The following MBD5 variants were observed in gnomAD, a reference collection of about 807,000 sequenced individuals.
The protein encoded by MBD5 is methyl-CpG-binding domain protein 5.
Under a neutral mutation model 117.3 loss-of-function variants are expected in MBD5, and 13 were observed. The ratio of observed to expected loss-of-function variants is 0.11; its 90% CI spans 0.07 to 0.18. MBD5 has a LOEUF of 0.18. Ranked by LOEUF, MBD5 falls within the 10% of genes least tolerant of loss-of-function variation. MBD5 has a pLI of 1.00. For missense variants in MBD5, 1,879 were observed against 2,093.8 expected, an observed-to-expected ratio of 0.90 and a Z score of 2.00; for synonymous variants, 727 against 766.4, an observed-to-expected ratio of 0.95 and a Z score of 0.85.
intron 4 of MBD5, among the ~76,000 whole-genome samples, chr2:148,379,703 G>T (rs1704081455): frequency 6.6e-6 from 1 of 151,702 alleles, no homozygotes; most frequent in Non-Finnish European, 1.5e-5. Context: ...TTGATAAAAA[G>T]GACAAAAATA....
rs1471749488 is a variant in MBD5 at position 148,469,929 on chromosome 2, A to T, written c.1986A>T (p.Pro662=). Residue 662 remains proline, a synonymous_variant, in exon 8 of 14, where the codon CCA becomes CCT. Coordinates refer to ENST00000642680, the MANE Select transcript of MBD5 (RefSeq NM_001378120.1). ...ACGCATTGCGGAAAAGAAAACAACCACCTACGACAGTGTTGAGTTTGCTCA... is the reference window on the plus strand; with the variant it reads ...ACGCATTGCGGAAAAGAAAACAACCTCCTACGACAGTGTTGAGTTTGCTCA... ...QKDALRKRKQ[P]PTTVLSLLRQ... The T allele has an allele frequency of 6.2e-7, 1 of 1,613,730 alleles. No homozygotes were observed. Among genetic ancestry groups the T allele is most frequent in the Non-Finnish European group, 8.5e-7 (1 of 1,179,882 alleles).
At chr2:148,149,340 T>G (rs1391469431) in intron 1 of MBD5, among the ~76,000 whole-genome samples, 1 of 136,172 alleles carries the variant, frequency 7.3e-6, no homozygotes, top group African/African-American at 2.8e-5. Flanking sequence ...AGTCTATCAT[T>G]GTTGGACATT....
intron 1 of MBD5, among the ~76,000 whole-genome samples, chr2:148,146,328 G>A (rs1697462739): frequency 6.6e-6 from 1 of 151,964 alleles, no homozygotes; most frequent in Middle Eastern, 3.2e-3. Flanking sequence ...TTATGATCAT[G>A]GCTCACTGCA....
intron 1 of MBD5, among the ~76,000 whole-genome samples, chr2:148,033,118 C>G (rs548292807): frequency 6.6e-6 from 1 of 152,104 alleles, no homozygotes; most frequent in Admixed American, 6.6e-5. Context: ...TAATGTCGAG[C>G]AAACCAAGGT....
intron 3 of MBD5, among the ~76,000 whole-genome samples, chr2:148,341,386 GC>G (rs1702943245): frequency 6.6e-6 from 1 of 151,568 alleles, no homozygotes; most frequent in Non-Finnish European, 1.5e-5. Context: ...TTAGAATTAG[GC>G]CGACCCAGAT....
chr2:148,295,221 GTTA>G, intron 3 of MBD5, among the ~76,000 whole-genome samples: 1 of 152,192 alleles, frequency 6.6e-6, no homozygotes, highest in Middle Eastern at 3.4e-3. Context: ...CTGAGGCTCT[GTTA>G]TTTACTACAT....
intron 4 of MBD5, among the ~76,000 whole-genome samples, chr2:148,359,247 A>G (rs1236193833): frequency 6.9e-6 from 1 of 145,330 alleles, no homozygotes; most frequent in African/African-American, 2.6e-5. Context: ...AGCCTTGATG[A>G]CAGAGTAAGG....
At chr2:148,445,981 GTT>G (rs896868180) in intron 4 of MBD5, among the ~76,000 whole-genome samples, 2 of 149,552 alleles carry the variant, frequency 1.3e-5, no homozygotes, top group African/African-American at 2.5e-5. Flanking sequence ...GGGGTTGTTT[GTT>G]TTTTTTTCTT....
At chr2:148,290,769 A>G (rs1701482745) in intron 3 of MBD5, among the ~76,000 whole-genome samples, 1 of 152,210 alleles carries the variant, frequency 6.6e-6, no homozygotes, top group South Asian at 2.1e-4. Flanking sequence ...ATTGATGAAT[A>G]TTTGAGTAGT....
intron 3 of MBD5, among the ~76,000 whole-genome samples, chr2:148,304,688 T>C (rs1016591375): frequency 7.3e-5 from 11 of 151,508 alleles, no homozygotes; most frequent in African/African-American, 2.7e-4. Flanking sequence ...AGGAGCAGAG[T>C]GGGTGTCAGT....
chr2:148,203,476 C>T (rs10178028), intron 2 of MBD5, among the ~76,000 whole-genome samples: 17,477 of 152,118 alleles, frequency 0.11, 1,212 homozygotes, highest in Admixed American at 0.16. Flanking sequence ...TTATTCTTTT[C>T]CTGAATTATC....
intron 4 of MBD5, among the ~76,000 whole-genome samples, chr2:148,352,209 C>T (rs184358193): frequency 6.6e-6 from 1 of 152,170 alleles, no homozygotes; most frequent in Non-Finnish European, 1.5e-5. Flanking sequence ...TCCTCCTTTG[C>T]TTGAAGGCCT....
At chr2:148,164,742 G>C (rs962501610) in intron 1 of MBD5, among the ~76,000 whole-genome samples, 5 of 151,950 alleles carry the variant, frequency 3.3e-5, no homozygotes, top group African/African-American at 1.2e-4. Flanking sequence ...GATTGTTTCA[G>C]TTCATTTCCT....
intron 4 of MBD5, among the ~76,000 whole-genome samples, chr2:148,433,359 T>C (rs1173738684): frequency 1.3e-5 from 2 of 152,190 alleles, no homozygotes; most frequent in Non-Finnish European, 2.9e-5. Flanking sequence ...TCTTTACTGA[T>C]TGCCCTGGCC....
chr2:148,440,247 A>G (rs913376094), intron 4 of MBD5, among the ~76,000 whole-genome samples: 2 of 152,244 alleles, frequency 1.3e-5, no homozygotes, highest in Admixed American at 1.3e-4. Context: ...TGTCTTGCTC[A>G]AAGTTATAAA....
intron 1 of MBD5, among the ~76,000 whole-genome samples, chr2:148,053,365 T>A (rs1694773138): frequency 6.6e-6 from 1 of 152,114 alleles, no homozygotes; most frequent in Admixed American, 6.5e-5. Flanking sequence ...TAATATTTAA[T>A]ACAAAATAAA....
chr2:148,267,921 CT>C (rs1700894540), intron 3 of MBD5, among the ~76,000 whole-genome samples: 1 of 144,878 alleles, frequency 6.9e-6, no homozygotes, highest in Non-Finnish European at 1.5e-5. Context: ...GATTTTTTTT[CT>C]TTTCTCTCTC....
chr2:148,319,353 T>A (rs960299252), intron 3 of MBD5, among the ~76,000 whole-genome samples: 6 of 152,210 alleles, frequency 3.9e-5, no homozygotes, highest in Admixed American at 3.3e-4. Flanking sequence ...GGCAGTCTGG[T>A]CATTTTAACA....
At chr2:148,379,161 C>A (rs1162102907) in intron 4 of MBD5, among the ~76,000 whole-genome samples, 1 of 151,630 alleles carries the variant, frequency 6.6e-6, no homozygotes, top group Non-Finnish European at 1.5e-5. Flanking sequence ...ATAGTGAAAA[C>A]AATATGTAAC....
Sources: gnomAD v4.1 joint callset for allele counts (sites outside exome capture counted in the v4.1 genomes callset) on GRCh38, gnomAD v4.1.1 for gene constraint, MANE v1.5 for transcripts, NCBI Gene and HGNC (gene_info 2026-07-23, HGNC 2026-07-21) for gene names.